LARGE1: variants seen among roughly 807,000 people sequenced by gnomAD.
LARGE1 encodes xylosyl- and glucuronyltransferase LARGE1.
Under a neutral mutation model 87.6 loss-of-function variants are expected in LARGE1, and 43 were observed. The ratio of observed to expected loss-of-function variants is 0.49; its 90% CI spans 0.38 to 0.63. The LOEUF is 0.63. Among genes scored for constraint, LARGE1 ranks in the 30% least tolerant of loss-of-function variants. The probability of loss-of-function intolerance (pLI) is 0.00; values close to 1 mark genes in which losing one functional copy is unlikely to be tolerated. For missense variants in LARGE1, 802 were observed against 1,000.2 expected (o/e 0.80, Z 2.67); for synonymous variants, 434 against 394.6 (o/e 1.10, Z -1.18).
intron 6 of LARGE1, among the ~76,000 whole-genome samples, chr22:33,564,221 G>T (rs1284782842): frequency 6.6e-6 from 1 of 152,128 alleles, no homozygotes; most frequent in Non-Finnish European, 1.5e-5. Context: ...AACAGCCTAA[G>T]ATTTGTGCTA....
chr22:33,387,154 G>A (rs896877647), intron 7 of LARGE1, among the ~76,000 whole-genome samples: 2 of 147,994 alleles, frequency 1.4e-5, no homozygotes, highest in African/African-American at 4.9e-5. Flanking sequence ...GGCAGGTGTG[G>A]TGGCTCATGC....
chr22:33,152,300 G>A, the LARGE1 span, among the ~76,000 whole-genome samples: 1 of 152,212 alleles, frequency 6.6e-6, no homozygotes, highest in Non-Finnish European at 1.5e-5. Flanking sequence ...GTGGCATGCT[G>A]GCTGGTGCTG....
intron 2 of LARGE1, among the ~76,000 whole-genome samples, chr22:33,682,781 C>T (rs1326945198): frequency 6.6e-6 from 1 of 152,206 alleles, no homozygotes; most frequent in Non-Finnish European, 1.5e-5. Flanking sequence ...GAGCCAGGCA[C>T]TCTGCTGTGA....
intron 6 of LARGE1, among the ~76,000 whole-genome samples, chr22:33,543,583 T>G (rs1356596604): frequency 6.6e-6 from 1 of 152,150 alleles, no homozygotes; most frequent in Non-Finnish European, 1.5e-5. Context: ...AAGAAAACAT[T>G]TTATTTACTT....
At chr22:33,805,578 CA>C (rs1195657822) in intron 1 of LARGE1, among the ~76,000 whole-genome samples, 2 of 151,702 alleles carry the variant, frequency 1.3e-5, no homozygotes, top group Non-Finnish European at 2.9e-5. Flanking sequence ...TGCAAAAATA[CA>C]AAAAATTAGC....
At chr22:33,349,578 C>G (rs1366693112) in intron 9 of LARGE1, among the ~76,000 whole-genome samples, 1 of 152,216 alleles carries the variant, frequency 6.6e-6, no homozygotes, top group East Asian at 1.9e-4. Context: ...TGTTTGTTGA[C>G]TCCCCATGGA....
At chr22:33,728,641 C>T (rs1569410301) in intron 2 of LARGE1, among the ~76,000 whole-genome samples, 1 of 150,804 alleles carries the variant, frequency 6.6e-6, no homozygotes, top group Non-Finnish European at 1.5e-5. Context: ...GAAGTTGTCC[C>T]TGACACTCCA....
In LARGE1 at chr22:33,527,742, G is replaced by T. The variant is rs570569207; in HGVS notation, c.787+37106C>A. Among the ~76,000 whole-genome samples the T allele has an allele frequency of 3.9e-5, 6 of 152,150 alleles. No individual in the cohort carries two copies. The South Asian group carries it at 1.3e-3, about 32-fold the overall frequency. On this transcript the variant is annotated intron_variant, in intron 6 of 14. Transcript: ENST00000397394. ...GAGAAAGTGACTGGCCCCTTGACCA[G>T]AACAAACCATAATAACAAAAGGAAA... is the stretch of plus-strand genomic sequence containing the variant.
intron 6 of LARGE1, among the ~76,000 whole-genome samples, chr22:33,545,984 A>G (rs1379946065): frequency 3.3e-5 from 5 of 152,190 alleles, no homozygotes; most frequent in Non-Finnish European, 7.4e-5. Flanking sequence ...AATTATTGAC[A>G]TGGCTTCCTA....
intron 2 of LARGE1, among the ~76,000 whole-genome samples, chr22:33,715,974 T>A (rs1177354066): frequency 6.6e-6 from 1 of 152,196 alleles, no homozygotes; most frequent in Non-Finnish European, 1.5e-5. Flanking sequence ...TAATTCCCCA[T>A]TACTAACTAC....
chr22:33,890,251 A>G (rs1252231903), intron 1 of LARGE1, among the ~76,000 whole-genome samples: 1 of 152,244 alleles, frequency 6.6e-6, no homozygotes, highest in East Asian at 1.9e-4. Flanking sequence ...ACCAAACTCC[A>G]CAATGCCTCA....
At chr22:33,687,419 C>T (rs1477722119) in intron 2 of LARGE1, among the ~76,000 whole-genome samples, 3 of 151,596 alleles carry the variant, frequency 2.0e-5, no homozygotes, top group South Asian at 2.1e-4. Context: ...CATTACCAGC[C>T]GATAGAACTT....
At chr22:33,125,510 G>C in the LARGE1 span, among the ~76,000 whole-genome samples, 3 of 148,972 alleles carry the variant, frequency 2.0e-5, no homozygotes, top group South Asian at 6.4e-4. Flanking sequence ...GCAATGGCAT[G>C]ATCTCGGCTC....
chr22:33,478,184 A>G (rs1249930750), intron 6 of LARGE1, among the ~76,000 whole-genome samples: 1 of 152,214 alleles, frequency 6.6e-6, no homozygotes, highest in Non-Finnish European at 1.5e-5. Context: ...TTCTCAGAGA[A>G]GAAGCTCATC....
intron 7 of LARGE1, among the ~76,000 whole-genome samples, chr22:33,396,569 G>C (rs1445222944): frequency 6.6e-6 from 1 of 151,790 alleles, no homozygotes; most frequent in Non-Finnish European, 1.5e-5. Context: ...ACTTGGCTGG[G>C]TTTTTCTCAA....
chr22:33,410,582 T>C (rs995430739), intron 7 of LARGE1, among the ~76,000 whole-genome samples: 3 of 152,132 alleles, frequency 2.0e-5, no homozygotes, highest in African/African-American at 7.2e-5. Context: ...TCTCCCACCA[T>C]GATTATAAGT....
intron 12 of LARGE1, among the ~76,000 whole-genome samples, chr22:33,285,384 G>A (rs748898292): frequency 5.3e-5 from 8 of 152,144 alleles, no homozygotes; most frequent in Non-Finnish European, 8.8e-5. Context: ...CCAGCCCTTC[G>A]GGAGGCTTAG....
At chr22:33,716,796 C>T (rs1186355808) in intron 2 of LARGE1, among the ~76,000 whole-genome samples, 4 of 152,084 alleles carry the variant, frequency 2.6e-5, no homozygotes, top group Admixed American at 6.5e-5. Context: ...ACAACCGGTT[C>T]CTAGGAAGTG....
chr22:33,522,138 C>T (rs1312965022), intron 6 of LARGE1, among the ~76,000 whole-genome samples: 1 of 152,206 alleles, frequency 6.6e-6, no homozygotes, highest in African/African-American at 2.4e-5. Flanking sequence ...CTACCTGAAA[C>T]ACTGAGGATC....
Sources: allele counts gnomAD v4.1 joint callset (sites outside exome capture counted in the v4.1 genomes callset), GRCh38; gene constraint gnomAD v4.1.1; transcripts MANE v1.5; gene names NCBI Gene and HGNC (gene_info 2026-07-23, HGNC 2026-07-21).